RASA1: variants seen among roughly 807,000 people sequenced by gnomAD.
The protein encoded by RASA1 is ras GTPase-activating protein 1.
A neutral mutation model predicts 132.2 loss-of-function variants in RASA1; 25 were observed. That is an observed-to-expected ratio of 0.19 (90% CI 0.14 to 0.26). RASA1 has a LOEUF of 0.26. Among genes scored for constraint, RASA1 ranks in the 10% least tolerant of loss-of-function variants. The pLI is 1.00. For synonymous variants in RASA1, 477 were observed against 449.9 expected (o/e 1.06, Z -0.76); for missense variants, 964 against 1,299.2 (o/e 0.74, Z 3.97).
At chr5:87,376,772 ACAT>A (rs1171949759) in intron 16 of RASA1, 106 bp from the exon 17 acceptor site, 4 of 1,249,292 alleles carry the variant, frequency 3.2e-6, no homozygotes, top group African/African-American at 3.0e-5. Context: ...ATTCAATGGG[ACAT>A]CATTTTAAAT....
At chr5:87,365,208 G>A (rs949013653) in intron 11 of RASA1, among the ~76,000 whole-genome samples, 5 of 152,068 alleles carry the variant, frequency 3.3e-5, no homozygotes, top group African/African-American at 1.2e-4. Flanking sequence ...GATACTAGTG[G>A]TTGTAAAATC....
rs372828519 is a variant in RASA1 at position 87,338,532 on chromosome 5, TAA to T, written c.1017+444_1017+445del. Reference sequence around the variant, plus strand: ...ATATATATATATATATATATATATATAAAATTTTTTTTTTTTTTAAGTAGAAA... The same window carrying T: ...ATATATATATATATATATATATATATAATTTTTTTTTTTTTTAAGTAGAAA... On this transcript the variant is annotated intron_variant, in intron 5 of 24. Transcript: ENST00000274376. Among the ~76,000 whole-genome samples, 191 of 59,704 alleles carry T rather than the reference TAA, an allele frequency of 3.2e-3. 11 individuals are homozygous for T. Among genetic ancestry groups the T allele is most frequent in the Middle Eastern group, 0.024 (2 of 82 alleles). 39.2% of individuals were successfully genotyped at this position (59,704 alleles called of 152,430 possible).
intron 20 of RASA1, among the ~76,000 whole-genome samples, chr5:87,381,595 G>A (rs1037297812): frequency 6.6e-6 from 1 of 152,044 alleles, no homozygotes; most frequent in Non-Finnish European, 1.5e-5. Flanking sequence ...TTTTTGGGGG[G>A]CAGGTAATAT....
intron 12 of RASA1, 62 bp downstream of exon 12, chr5:87,369,962 C>T: frequency 1.5e-6 from 2 of 1,341,968 alleles, no homozygotes; most frequent in Non-Finnish European, 2.1e-6. Context: ...TTCTTATTAA[C>T]TGGAATAGAA....
intron 20 of RASA1, among the ~76,000 whole-genome samples, chr5:87,383,161 T>G (rs1009829049): frequency 6.6e-6 from 1 of 152,114 alleles, no homozygotes; most frequent in African/African-American, 2.4e-5. Flanking sequence ...TTTTCATTGA[T>G]CAATAAGTCA....
rs1041546774 is a variant in RASA1 at position 87,363,342 on chromosome 5, A to C, written c.1454-6A>C. The C allele has an allele frequency of 4.4e-5, 70 of 1,585,830 alleles. No individual in the cohort carries two copies. The highest frequency in any genetic ancestry group is 5.9e-5 in the Non-Finnish European group (69 of 1,159,914). On this transcript the variant is annotated splice_region_variant and splice_polypyrimidine_tract_variant and intron_variant, in intron 10 of 24. Coordinates refer to ENST00000274376, the MANE Select transcript of RASA1 (RefSeq NM_002890.3). ...CTAAGAGAAAACAATTTTTTTTTTT[A>C]AACAGGCAAAGGAAAACGTTGGAAA...
chr5:87,277,029 A>G (rs543808513), intron 1 of RASA1, among the ~76,000 whole-genome samples: 1 of 152,186 alleles, frequency 6.6e-6, no homozygotes, highest in African/African-American at 2.4e-5. Flanking sequence ...TTTAGAGAGG[A>G]CTAGAAGCAA....
chr5:87,388,159 C>T (rs1580414473), intron 23 of RASA1, among the ~76,000 whole-genome samples: 1 of 152,126 alleles, frequency 6.6e-6, no homozygotes, highest in South Asian at 2.1e-4. Context: ...ATTCTAAAGT[C>T]CTTTCTACTG....
chr5:87,389,631 A>G, intron 24 of RASA1, 104 bp downstream of exon 24: 1 of 1,447,802 alleles, frequency 6.9e-7, no homozygotes, highest in Non-Finnish European at 9.6e-7. Flanking sequence ...TGTTACATTA[A>G]ATTTTTGAGA....
chr5:87,286,527 C>T (rs1165027805), intron 1 of RASA1, among the ~76,000 whole-genome samples: 2 of 151,480 alleles, frequency 1.3e-5, no homozygotes, highest in African/African-American at 2.4e-5. Context: ...TGAAAAATAA[C>T]CTTTAAAATT....
intron 1 of RASA1, among the ~76,000 whole-genome samples, chr5:87,310,356 T>A (rs976288518): frequency 6.6e-6 from 1 of 152,186 alleles, no homozygotes; most frequent in East Asian, 1.9e-4. Context: ...AAAGGAAAGA[T>A]GCAAAGCTAG....
intron 12 of RASA1, among the ~76,000 whole-genome samples, chr5:87,370,596 A>G (rs1027279674): frequency 2.0e-5 from 3 of 152,180 alleles, no homozygotes; most frequent in African/African-American, 4.8e-5. Context: ...CAGGAGTTTG[A>G]GTTACAGTGA....
chr5:87,372,393 TAAGA>T (rs1761013791), intron 13 of RASA1, among the ~76,000 whole-genome samples, 198 bp downstream of exon 13: 1 of 152,130 alleles, frequency 6.6e-6, no homozygotes, highest in Non-Finnish European at 1.5e-5. Context: ...GTTAAAAACA[TAAGA>T]AAGATTATTC....
At position 87,277,754 on chromosome 5, in the gene RASA1, G is replaced by A. The variant is rs146857919; in HGVS notation, c.539+8764G>A. 5.9e-5 allele frequency among the ~76,000 whole-genome samples: 9 copies of A among 152,002 alleles called. No individual in the cohort carries two copies. In the East Asian group the frequency reaches 1.2e-3, roughly 20 times the overall value. On this transcript the variant is annotated intron_variant, in intron 1 of 24. Coordinates refer to ENST00000274376, the MANE Select transcript of RASA1 (RefSeq NM_002890.3). ...GCATGTCTGCTGCTTGAGAAATAAG[G>A]TCCTCATTCTTTTAATTTCTTTCAC... is the stretch of plus-strand genomic sequence containing the variant.
Position 87,386,514 on chromosome 5 carries a change from T to TG in RASA1, c.2848-311dup, listed in dbSNP as rs552589044. ...TAAACAATTTGTGTCTGCCAGGCTA[T>TG]GTGTTACGATTTGTGCTTGGGTCCA... On this transcript the variant is annotated intron_variant, in intron 22 of 24. Transcript: ENST00000274376. Among the ~76,000 whole-genome samples, 102 of 152,204 alleles carry TG rather than the reference T, an allele frequency of 6.7e-4. No homozygotes were observed. The South Asian group carries it at 0.01, about 15-fold the overall frequency.
At position 87,331,412 on chromosome 5, in the gene RASA1, G is replaced by C. The variant is rs1186845574; in HGVS notation, c.604G>C (p.Gly202Arg). 6.2e-7 allele frequency: 1 copy of C among 1,613,638 alleles called. No individual in the cohort carries two copies. Among genetic ancestry groups the C allele is most frequent in the Non-Finnish European group, 8.5e-7 (1 of 1,179,610 alleles). Residue 202 changes from glycine to arginine, a missense_variant, in exon 2 of 25, where the codon GGC (glycine) becomes CGC (arginine). Physicochemically the swap from Gly to Arg is moderately radical, Grantham distance 125 (BLOSUM62 -2). This residue lies in a region of RASA1 where 326 missense variants were observed against 275.8 expected (regional missense o/e 1.18). Coordinates refer to ENST00000274376, the MANE Select transcript of RASA1 (RefSeq NM_002890.3). ...EERLRQAGKS[G>R]SYLIRESDRR... ...ACGCCTCAGGCAGGCAGGGAAGTCT[G>C]GCAGTTATCTTATAAGAGAGAGTGA...
intron 1 of RASA1, among the ~76,000 whole-genome samples, chr5:87,321,459 C>T (rs1756798608): frequency 1.3e-5 from 2 of 152,214 alleles, no homozygotes; most frequent in Admixed American, 1.3e-4. Flanking sequence ...TGTAAGTCTG[C>T]ATCTCTGGAA....
At chr5:87,390,479 A>C (rs1022208196) in intron 24 of RASA1, among the ~76,000 whole-genome samples, 3 of 151,684 alleles carry the variant, frequency 2.0e-5, no homozygotes, top group South Asian at 2.1e-4. Context: ...TGCCTTAGAT[A>C]TTAAATAAAA....
At chr5:87,347,217 T>C (rs1758931234) in intron 7 of RASA1, among the ~76,000 whole-genome samples, 1 of 152,100 alleles carries the variant, frequency 6.6e-6, no homozygotes. Context: ...TTTATTCTTT[T>C]GCTGTTCAGC....
Sources: allele counts gnomAD v4.1 joint callset (sites outside exome capture counted in the v4.1 genomes callset), GRCh38; gene constraint gnomAD v4.1.1; regional missense constraint gnomAD v4.1.1; transcripts MANE v1.5; gene names NCBI Gene and HGNC (gene_info 2026-07-23, HGNC 2026-07-21).